RNF212B: variants seen among roughly 807,000 people sequenced by gnomAD.
The protein encoded by RNF212B is ring finger protein 212B, also known as E3 ubiquitin-protein ligase RNF212B.
A neutral mutation model predicts 55.5 loss-of-function variants in RNF212B; 52 were observed. That is an observed-to-expected ratio of 0.94 (90% CI 0.75 to 1.18). The LOEUF (loss-of-function observed/expected upper bound fraction) is 1.18, where lower values mean the gene tolerates loss of function less well. Ranked by LOEUF, RNF212B falls within the 50% of genes most tolerant of loss-of-function variation. The probability of loss-of-function intolerance (pLI) is 0.00; values close to 1 mark genes in which losing one functional copy is unlikely to be tolerated. For synonymous variants in RNF212B, 99 were observed against 121.4 expected (o/e 0.82, Z 1.21); for missense variants, 289 against 350.4 (o/e 0.82, Z 1.40).
intron 2 of RNF212B, among the ~76,000 whole-genome samples, chr14:23,214,159 T>G (rs1368853370): frequency 6.6e-6 from 1 of 152,178 alleles, no homozygotes; most frequent in Non-Finnish European, 1.5e-5. Context: ...TTATAAAATT[T>G]TTTTAAAGTA....
chr14:23,241,866 A>G (rs1181607175), intron 2 of RNF212B, among the ~76,000 whole-genome samples: 1 of 151,432 alleles, frequency 6.6e-6, no homozygotes, highest in East Asian at 2.0e-4. Context: ...GGTGGATCAC[A>G]AGGTCGGGAG....
intron 2 of RNF212B, among the ~76,000 whole-genome samples, chr14:23,201,293 C>T (rs1414099289): frequency 6.6e-6 from 1 of 152,040 alleles, no homozygotes; most frequent in Non-Finnish European, 1.5e-5. Flanking sequence ...CTAAAGAGAA[C>T]CAAAACAAGG....
chr14:23,208,964 T>A lies in RNF212B; in HGVS notation c.-2+15563T>A, dbSNP rs557693675. ...TAGTAGAGACGGGGTTTCATCGTGT[T>A]AGCCGGGATGGTCTCGATCTCCTGA... On this transcript the variant is annotated intron_variant, in intron 2 of 15. Transcript: ENST00000399910. 5.9e-5 allele frequency among the ~76,000 whole-genome samples: 9 copies of A among 151,526 alleles called. No homozygotes were observed. In the South Asian group the frequency reaches 1.0e-3, roughly 18 times the overall value.
At chr14:23,244,465 CA>C (rs375501649) in intron 4 of RNF212B, 69 bp downstream of exon 4, 54 of 816,454 alleles carry the variant, frequency 6.6e-5, no homozygotes, top group Non-Finnish European at 1.0e-4. Flanking sequence ...ATTCCTTTAT[CA>C]AAGGTTTTCT....
intron 2 of RNF212B, among the ~76,000 whole-genome samples, chr14:23,226,350 G>T (rs1003305460): frequency 2.7e-5 from 4 of 150,816 alleles, no homozygotes; most frequent in Non-Finnish European, 4.4e-5. Context: ...GGAACACGGG[G>T]CCGGGCGCGG....
intron 2 of RNF212B, among the ~76,000 whole-genome samples, chr14:23,196,798 C>T (rs1283005228): frequency 6.6e-6 from 1 of 152,264 alleles, no homozygotes; most frequent in South Asian, 2.1e-4. Context: ...TTCTCTTCGC[C>T]CTTAGCCTAG....
intron 4 of RNF212B, 132 bp downstream of exon 4, chr14:23,244,528 C>T: frequency 1.8e-6 from 1 of 567,962 alleles, no homozygotes; most frequent in Non-Finnish European, 3.1e-6. Flanking sequence ...TCTTTGCTTT[C>T]TTCCTTGATG....
rs181995413 is a variant in RNF212B at position 23,209,331 on chromosome 14, C to T, written c.-2+15930C>T. 6.2e-4 allele frequency among the ~76,000 whole-genome samples: 94 copies of T among 152,240 alleles called. 1 individual carries two copies. The highest frequency in any genetic ancestry group is 2.9e-4 in the Non-Finnish European group (20 of 68,016). ...TGTATTTTGTGCTGACCTATCTCAT[C>T]CTGTGACTTAGAATGCCTTAACCAT... On this transcript the variant is annotated intron_variant, in intron 2 of 15. Coordinates refer to the RNF212B transcript ENST00000399910.
chr14:23,211,412 G>GGTAA (rs1260939085), intron 2 of RNF212B, among the ~76,000 whole-genome samples: 1 of 151,978 alleles, frequency 6.6e-6, no homozygotes, highest in Non-Finnish European at 1.5e-5. Flanking sequence ...TGGCTTCACT[G>GGTAA]GTAAGTTCTA....
At chr14:23,229,291 T>C (rs1299164947) in intron 2 of RNF212B, among the ~76,000 whole-genome samples, 1 of 142,396 alleles carries the variant, frequency 7.0e-6, no homozygotes, top group East Asian at 2.1e-4. Context: ...CATCTACTAA[T>C]GGACATTTGT....
intron 2 of RNF212B, among the ~76,000 whole-genome samples, chr14:23,208,683 G>A (rs1880101423): frequency 1.3e-5 from 2 of 149,958 alleles, no homozygotes; most frequent in South Asian, 4.2e-4. Flanking sequence ...GTGAAAGCAA[G>A]TTTATTAAGA....
At chr14:23,209,076 G>T (rs1880218239) in intron 2 of RNF212B, among the ~76,000 whole-genome samples, 1 of 152,158 alleles carries the variant, frequency 6.6e-6, no homozygotes, top group African/African-American at 2.4e-5. Context: ...CATGTTTATG[G>T]TTATGTATTG....
At chr14:23,237,577 A>G (rs1883206333), upstream of RNF212B, among the ~76,000 whole-genome samples, 1 of 152,118 alleles carries the variant, frequency 6.6e-6, no homozygotes, top group Non-Finnish European at 1.5e-5. Context: ...TTTTCATTTC[A>G]TTTTAGAATA....
At chr14:23,260,578 T>C in intron 6 of RNF212B, 81 bp from the exon 7 acceptor site, 3 of 1,339,682 alleles carry the variant, frequency 2.2e-6, no homozygotes, top group African/African-American at 1.5e-5. Flanking sequence ...TGAGCTTAGT[T>C]ATCTCGCAAG....
upstream of RNF212B, among the ~76,000 whole-genome samples, chr14:23,235,074 T>C (rs1458371749): frequency 6.6e-6 from 1 of 152,038 alleles, no homozygotes; most frequent in East Asian, 1.9e-4. Context: ...TAACCAGGCG[T>C]GGTGGCAAAT....
upstream of RNF212B, among the ~76,000 whole-genome samples, chr14:23,237,350 T>C (rs1409607982): frequency 3.3e-5 from 5 of 152,186 alleles, no homozygotes; most frequent in South Asian, 1.0e-3. Context: ...GTCTGGTCTA[T>C]AACTCCTGAC....
At chr14:23,206,214 A>G (rs1358279824) in intron 2 of RNF212B, among the ~76,000 whole-genome samples, 1 of 152,080 alleles carries the variant, frequency 6.6e-6, no homozygotes, top group Non-Finnish European at 1.5e-5. Flanking sequence ...AGCTGGGATT[A>G]TAGGTGCACA....
chr14:23,245,232 T>C (rs1883902172), intron 4 of RNF212B, among the ~76,000 whole-genome samples: 1 of 152,210 alleles, frequency 6.6e-6, no homozygotes, highest in Non-Finnish European at 1.5e-5. Flanking sequence ...TTCAGTGTCC[T>C]GCCTCTCAAT....
Position 23,252,723 on chromosome 14 carries a change from ATTCAG to A in RNF212B, c.229-5822_229-5818del, listed in dbSNP as rs1884507410. 4.6e-5 allele frequency among the ~76,000 whole-genome samples: 7 copies of A among 152,314 alleles called. No individual in the cohort carries two copies. The South Asian group carries it at 1.4e-3, about 32-fold the overall frequency. ...ATGAAGAAATTGCATTCTCATGCTGATTCAGTTCCTCTGTGGGGGTCTTTAGACTC... is the reference window on the plus strand; with the variant it reads ...ATGAAGAAATTGCATTCTCATGCTGATTCCTCTGTGGGGGTCTTTAGACTC... On this transcript the variant is annotated intron_variant, in intron 4 of 14. Transcript: ENST00000430154.
Sources: allele counts gnomAD v4.1 joint callset (sites outside exome capture counted in the v4.1 genomes callset), GRCh38; gene constraint gnomAD v4.1.1; transcripts MANE v1.5; gene names NCBI Gene and HGNC (gene_info 2026-07-23, HGNC 2026-07-21).